The following TMC2 variants were observed in gnomAD, a reference collection of about 807,000 sequenced individuals.
TMC2 encodes transmembrane channel-like protein 2.
TMC2 carries 102 observed loss-of-function variants against 105.9 expected under a neutral mutation model. The ratio of observed to expected loss-of-function variants is 0.96; its 90% confidence interval spans 0.82 to 1.14. The LOEUF is 1.14. TMC2 is among the 50% of genes most tolerant of loss of function. The probability of loss-of-function intolerance (pLI) is 0.00; values close to 1 mark genes in which losing one functional copy is unlikely to be tolerated. For missense variants in TMC2, 1,093 were observed against 1,134.3 expected (o/e 0.96, Z 0.52); for synonymous variants, 402 against 422.8 (o/e 0.95, Z 0.60).
At chr20:2,591,680 C>T (rs1001509437) in intron 7 of TMC2, among the ~76,000 whole-genome samples, 1 of 150,886 alleles carries the variant, frequency 6.6e-6, no homozygotes, top group African/African-American at 2.4e-5. Flanking sequence ...TGCACTCCAG[C>T]CTAGGTGATG....
chr20:2,613,069 G>A (rs2086453147), intron 13 of TMC2, 125 bp from the exon 14 acceptor site: 1 of 1,304,430 alleles, frequency 7.7e-7, no homozygotes, highest in Admixed American at 2.6e-5. Context: ...CAAAGGATCA[G>A]AGGGTCACAG....
At chr20:2,546,962 G>T (rs772758584) in intron 2 of TMC2, among the ~76,000 whole-genome samples, 2 of 152,088 alleles carry the variant, frequency 1.3e-5, no homozygotes, top group African/African-American at 4.8e-5. Flanking sequence ...TGTTTTAATA[G>T]ATAATGTACA....
At chr20:2,554,213 G>C (rs913529319) in intron 2 of TMC2, among the ~76,000 whole-genome samples, 36 of 152,036 alleles carry the variant, frequency 2.4e-4, no homozygotes, top group Non-Finnish European at 1.2e-4. Flanking sequence ...TAATGTCCTT[G>C]AGATAAATGG....
intron 2 of TMC2, among the ~76,000 whole-genome samples, chr20:2,545,920 T>TGAAAGAAAGAAAGAAA (rs755029898): frequency 6.7e-4 from 88 of 130,944 alleles, no homozygotes; most frequent in African/African-American, 2.4e-3. Flanking sequence ...AAGAAAGAAA[T>TGAAAGAAAGAAAGAAA]GAAAGAAAGA....
In TMC2 at chr20:2,537,042, G is replaced by A. The variant is rs114073595; in HGVS notation, c.35-227G>A. ...CCTCAGCAGATTTCTATCTGTCTCT[G>A]TCTCTGTGCAGGGCAGGGGGTGGGG... is the stretch of plus-strand genomic sequence containing the variant. On this transcript the variant is annotated intron_variant, in intron 1 of 19. Transcript: ENST00000358864. Among the ~76,000 whole-genome samples the A allele has an allele frequency of 2.7e-3, 407 of 152,266 alleles. 7 individuals carry two copies. The highest frequency in any genetic ancestry group is 9.2e-3 in the African/African-American group (382 of 41,542).
At chr20:2,635,819 C>T in intron 17 of TMC2, 107 bp from the exon 18 acceptor site, 1 of 882,966 alleles carries the variant, frequency 1.1e-6, no homozygotes. Flanking sequence ...CACCCAAAGC[C>T]TCAGTAACTA....
At chr20:2,623,020 A>T (rs1232761008) in intron 16 of TMC2, among the ~76,000 whole-genome samples, 3 of 152,144 alleles carry the variant, frequency 2.0e-5, no homozygotes, top group Non-Finnish European at 4.4e-5. Context: ...ACTTCTGCAG[A>T]TATTGAACAT....
chr20:2,546,715 C>A (rs2085928643), intron 2 of TMC2, among the ~76,000 whole-genome samples: 1 of 152,138 alleles, frequency 6.6e-6, no homozygotes. Flanking sequence ...TAAAATAGTT[C>A]TTTGTTGAAG....
intron 2 of TMC2, among the ~76,000 whole-genome samples, chr20:2,553,881 T>G (rs1024788294): frequency 3.3e-5 from 5 of 152,136 alleles, no homozygotes; most frequent in African/African-American, 1.2e-4. Flanking sequence ...TTTATTATCC[T>G]TTTGTTTTGT....
At chr20:2,609,940 A>G (rs11698412) in intron 11 of TMC2, among the ~76,000 whole-genome samples, 79,735 of 151,914 alleles carry the variant, frequency 0.52, 21,129 homozygotes, top group East Asian at 0.65. Context: ...CTCCGCCTCC[A>G]GGGTTCAAGC....
intron 3 of TMC2, among the ~76,000 whole-genome samples, chr20:2,561,302 C>T (rs1342606981): frequency 6.6e-6 from 1 of 152,158 alleles, no homozygotes; most frequent in East Asian, 1.9e-4. Flanking sequence ...TTGGGCAAAT[C>T]TACTTTTTTC....
intron 17 of TMC2, among the ~76,000 whole-genome samples, chr20:2,635,354 C>T (rs945191590): frequency 1.6e-5 from 1 of 63,306 alleles, no homozygotes; most frequent in African/African-American, 5.2e-5. Flanking sequence ...ACACCTCCAC[C>T]TCCCCCTCTC....
chr20:2,580,770 C>T (rs2086183739), intron 7 of TMC2, among the ~76,000 whole-genome samples: 2 of 151,980 alleles, frequency 1.3e-5, no homozygotes, highest in African/African-American at 4.8e-5. Context: ...TTATTATGGA[C>T]ATAAATAGAT....
chr20:2,623,631 C>T (rs1426871504), intron 16 of TMC2, among the ~76,000 whole-genome samples: 3 of 152,146 alleles, frequency 2.0e-5, no homozygotes, highest in Non-Finnish European at 4.4e-5. Context: ...GAATTTCAAA[C>T]CCCGTATTCC....
intron 12 of TMC2, 27 bp from the exon 13 acceptor site, chr20:2,612,164 A>G (rs2086444876): frequency 6.4e-7 from 1 of 1,570,020 alleles, no homozygotes; most frequent in Non-Finnish European, 8.7e-7. Flanking sequence ...GCTCCTTCCT[A>G]CCCCACACCT....
intron 11 of TMC2, among the ~76,000 whole-genome samples, chr20:2,610,132 A>G (rs1247449775): frequency 6.6e-6 from 1 of 152,218 alleles, no homozygotes; most frequent in African/African-American, 2.4e-5. Flanking sequence ...TACAGGCGTG[A>G]GCCATTGCGC....
At chr20:2,585,974 G>T (rs1366641535) in intron 7 of TMC2, among the ~76,000 whole-genome samples, 1 of 152,090 alleles carries the variant, frequency 6.6e-6, no homozygotes, top group Non-Finnish European at 1.5e-5. Flanking sequence ...GGGTATTATG[G>T]TACACAATAA....
At chr20:2,550,935 C>A (rs1428976600) in intron 2 of TMC2, among the ~76,000 whole-genome samples, 1 of 152,134 alleles carries the variant, frequency 6.6e-6, no homozygotes, top group African/African-American at 2.4e-5. Context: ...AATAAGGTGG[C>A]CGTAAATATT....
At position 2,560,315 on chromosome 20, in the gene TMC2, G is replaced by C. The variant is rs541620892; in HGVS notation, c.401+1541G>C. ...GTTCTAGGCTTTTCAACCTTCAAGG[G>C]CATCCTAAAACTTCTTCTTTGCTCC... On this transcript the variant is annotated intron_variant, in intron 3 of 19. Transcript: ENST00000358864. 9.9e-5 allele frequency among the ~76,000 whole-genome samples: 15 copies of C among 151,930 alleles called. No homozygotes were observed. In the East Asian group the frequency reaches 2.5e-3, roughly 25 times the overall value.
Sources: allele counts gnomAD v4.1 joint callset (sites outside exome capture counted in the v4.1 genomes callset), GRCh38; gene constraint gnomAD v4.1.1; transcripts MANE v1.5; gene names NCBI Gene and HGNC (gene_info 2026-07-23, HGNC 2026-07-21).